Variants in GLIS3 observed in about 807,000 individuals in gnomAD.
The protein encoded by GLIS3 is zinc finger protein GLIS3.
A neutral mutation model predicts 78.6 loss-of-function variants in GLIS3; 53 were observed. That is an observed-to-expected ratio of 0.67 (90% CI 0.54 to 0.85). The LOEUF is 0.85. Ranked by LOEUF, GLIS3 falls within the 40% of genes least tolerant of loss-of-function variation. The probability of loss-of-function intolerance (pLI) is 0.00; values close to 1 mark genes in which losing one functional copy is unlikely to be tolerated. For synonymous variants in GLIS3, 684 were observed against 509.9 expected, an observed-to-expected ratio of 1.34 and a Z score of -4.60; for missense variants, 1,703 against 1,231.1, an observed-to-expected ratio of 1.38 and a Z score of -5.74.
At chr9:3,982,019 A>AT (rs1406807098) in intron 4 of GLIS3, among the ~76,000 whole-genome samples, 1 of 152,198 alleles carries the variant, frequency 6.6e-6, no homozygotes, top group African/African-American at 2.4e-5. Flanking sequence ...CACTTAAAAA[A>AT]AAATGCTGGA....
chr9:4,431,424 G>T, the GLIS3 span, among the ~76,000 whole-genome samples: 1 of 152,172 alleles, frequency 6.6e-6, no homozygotes, highest in Non-Finnish European at 1.5e-5. Context: ...TTACAGTTCA[G>T]TGTAGATTGA....
intron 2 of GLIS3, among the ~76,000 whole-genome samples, chr9:4,231,904 T>C (rs1425831190): frequency 6.6e-6 from 1 of 152,142 alleles, no homozygotes; most frequent in African/African-American, 2.4e-5. Context: ...AGCCCTGTGG[T>C]TGTCATTATG....
chr9:4,334,238 G>A (rs942277921), intron 2 of GLIS3, among the ~76,000 whole-genome samples: 1 of 152,308 alleles, frequency 6.6e-6, no homozygotes, highest in East Asian at 1.9e-4. Context: ...TAAATTCCAG[G>A]CAGGTTCTAA....
chr9:4,247,282 A>C (rs1237752161), intron 2 of GLIS3, among the ~76,000 whole-genome samples: 1 of 152,210 alleles, frequency 6.6e-6, no homozygotes, highest in Non-Finnish European at 1.5e-5. Flanking sequence ...TTAAAGCTGA[A>C]AGTACGGTTG....
At chr9:4,044,979 G>A (rs1825127717) in intron 4 of GLIS3, among the ~76,000 whole-genome samples, 1 of 152,160 alleles carries the variant, frequency 6.6e-6, no homozygotes, top group Non-Finnish European at 1.5e-5. Context: ...GGAGGACTCA[G>A]AAAGCTGTTT....
intron 2 of GLIS3, among the ~76,000 whole-genome samples, chr9:4,194,856 A>T: frequency 6.6e-6 from 1 of 152,214 alleles, no homozygotes; most frequent in African/African-American, 2.4e-5. Flanking sequence ...TGAGGGAAAA[A>T]CACTGCGAAA....
At chr9:4,449,102 G>A in the GLIS3 span, among the ~76,000 whole-genome samples, 1 of 152,094 alleles carries the variant, frequency 6.6e-6, no homozygotes, top group Admixed American at 6.6e-5. Context: ...TGGAAAATCG[G>A]GACACTCCCA....
rs4477086 is a variant in GLIS3, at chr9:4,131,163, T to C, written c.389-5222A>G. ...TTACCCAATGTCTGTACCTCCATTG[T>C]ATCTTAGCAGTAATTAACTTGTTTT... On this transcript the variant is annotated intron_variant, in intron 2 of 10. Transcript: ENST00000381971. Among the ~76,000 whole-genome samples, 840 of 152,350 alleles carry C rather than the reference T, an allele frequency of 5.5e-3. 10 individuals are homozygous for C. The highest frequency in any genetic ancestry group is 0.02 in the African/African-American group (813 of 41,572).
intron 2 of GLIS3, among the ~76,000 whole-genome samples, chr9:4,345,356 A>C (rs564540608): frequency 6.6e-5 from 10 of 151,874 alleles, no homozygotes; most frequent in African/African-American, 2.4e-4. Context: ...TATCCTATCT[A>C]CTTTATTTTG....
chr9:4,376,367 G>A, the GLIS3 span, among the ~76,000 whole-genome samples: 1 of 152,106 alleles, frequency 6.6e-6, no homozygotes, highest in African/African-American at 2.4e-5. Context: ...CCTGGGGAGA[G>A]CCTTTGAAAA....
At chr9:3,828,591 C>G (rs1035095186) in intron 10 of GLIS3, among the ~76,000 whole-genome samples, 183 bp from the exon 11 acceptor site, 18 of 152,152 alleles carry the variant, frequency 1.2e-4, no homozygotes, top group Non-Finnish European at 5.9e-5. Flanking sequence ...GGCTGACTTG[C>G]AGGCAGCTGG....
intron 4 of GLIS3, among the ~76,000 whole-genome samples, chr9:3,988,561 C>T (rs1819960226): frequency 6.6e-6 from 1 of 152,088 alleles, no homozygotes; most frequent in Non-Finnish European, 1.5e-5. Context: ...TGAATTAATA[C>T]ATAGATCGAT....
intron 9 of GLIS3, among the ~76,000 whole-genome samples, chr9:3,843,704 G>C (rs1378480397): frequency 6.6e-6 from 1 of 152,184 alleles, no homozygotes; most frequent in African/African-American, 2.4e-5. Context: ...GACCTCATGG[G>C]TATTGACAAA....
At chr9:4,237,163 G>A (rs1233085695) in intron 2 of GLIS3, among the ~76,000 whole-genome samples, 1 of 151,726 alleles carries the variant, frequency 6.6e-6, no homozygotes, top group Non-Finnish European at 1.5e-5. Context: ...CCAAAACAAG[G>A]GAAAACTGTA....
chr9:4,333,639 A>G (rs76105329), intron 2 of GLIS3, among the ~76,000 whole-genome samples: 1,631 of 152,194 alleles, frequency 0.011, 29 homozygotes, highest in African/African-American at 0.037. Flanking sequence ...TCCCTAACAT[A>G]CTTGGCTATG....
At chr9:4,310,042 A>G (rs185491694) in intron 3 of GLIS3, among the ~76,000 whole-genome samples, 1 of 152,320 alleles carries the variant, frequency 6.6e-6, no homozygotes, top group East Asian at 1.9e-4. Context: ...ACTATGACCA[A>G]TTTATCCTGA....
At chr9:3,906,748 C>T (rs1823727909) in intron 6 of GLIS3, among the ~76,000 whole-genome samples, 1 of 152,192 alleles carries the variant, frequency 6.6e-6, no homozygotes, top group Non-Finnish European at 1.5e-5. Context: ...TCGTGCTATA[C>T]TCAAGGTACA....
the GLIS3 span, among the ~76,000 whole-genome samples, chr9:4,474,955 A>G: frequency 1.3e-5 from 2 of 149,550 alleles, no homozygotes; most frequent in African/African-American, 4.9e-5. Context: ...CCAAACTTAA[A>G]GGAAACTTTT....
At chr9:4,157,482 A>C (rs2131066463) in intron 2 of GLIS3, among the ~76,000 whole-genome samples, 2 of 152,282 alleles carry the variant, frequency 1.3e-5, no homozygotes, top group Middle Eastern at 6.8e-3. Context: ...GGTGGGGAGC[A>C]GAGAGGAAGG....
Sources: gnomAD v4.1 joint callset for allele counts (sites outside exome capture counted in the v4.1 genomes callset) on GRCh38, gnomAD v4.1.1 for gene constraint, MANE v1.5 for transcripts, NCBI Gene and HGNC (gene_info 2026-07-23, HGNC 2026-07-21) for gene names.